Variants in RAB11FIP4 observed in about 807,000 individuals in gnomAD.
RAB11FIP4 encodes rab11 family-interacting protein 4.
A neutral mutation model predicts 74.3 loss-of-function variants in RAB11FIP4; 23 were observed. That is an observed-to-expected ratio of 0.31 (90% CI 0.22 to 0.44). The LOEUF is 0.44. Among genes scored for constraint, RAB11FIP4 ranks in the 20% least tolerant of loss-of-function variants. The pLI, the probability that RAB11FIP4 is intolerant of heterozygous loss-of-function variation, is 1.00. For synonymous variants in RAB11FIP4, 360 were observed against 359.9 expected (o/e 1.00, Z 0.00); for missense variants, 630 against 863.9 (o/e 0.73, Z 3.39).
At position 31,434,036 on chromosome 17, in the gene RAB11FIP4, T is replaced by C. The variant is rs887379998; in HGVS notation, c.250T>C (p.Cys84Arg). ...FCRGVFAMKG[C>R]EELLKDVLSV... is the part of the protein sequence containing the mutation. The stretch of plus-strand genomic sequence containing the variant: ...CGTGTGTCTGCCTGTCTGCGCAGGG[T>C]GCGAGGAGCTGCTGAAGGATGTGCT... The change falls in exon 3 of 15, where the codon TGC becomes CGC. Residue 84 changes from cysteine (C) to arginine (R), a missense_variant and splice_region_variant. Physicochemically the swap from Cys to Arg is radical, Grantham distance 180. Transcript: ENST00000621161. The C allele has an allele frequency of 5.7e-6, 9 of 1,580,374 alleles. No individual in the cohort carries two copies. The East Asian group carries it at 9.1e-5, about 16-fold the overall frequency.
At chr17:31,397,621 A>G (rs1032383290) in intron 1 of RAB11FIP4, among the ~76,000 whole-genome samples, 3 of 152,016 alleles carry the variant, frequency 2.0e-5, no homozygotes, top group African/African-American at 7.2e-5. Context: ...GCCCAGAGAG[A>G]TGTTCTCTTT....
intron 3 of RAB11FIP4, among the ~76,000 whole-genome samples, chr17:31,441,518 TTTTATTTA>T (rs35484019): frequency 4.6e-5 from 7 of 150,970 alleles, no homozygotes; most frequent in African/African-American, 7.3e-5. Flanking sequence ...ACTCTCCTTA[TTTTATTTA>T]TTTATTTATT....
rs549039848 is a variant in RAB11FIP4 at position 31,470,595 on chromosome 17, C to T, written c.336+36473C>T. On this transcript the variant is annotated intron_variant, in intron 3 of 14. Transcript: ENST00000621161. ...GCTCTCATGATCCAATGGAGGGAAG[C>T]AGGTGCTTAACACATGGGCTGGGTG... Among the ~76,000 whole-genome samples the T allele has an allele frequency of 5.6e-4, 85 of 152,336 alleles. No homozygotes were observed. In the South Asian group the frequency reaches 0.017, roughly 30 times the overall value.
At chr17:31,484,835 G>A (rs1260476190) in intron 3 of RAB11FIP4, among the ~76,000 whole-genome samples, 1 of 152,096 alleles carries the variant, frequency 6.6e-6, no homozygotes, top group Non-Finnish European at 1.5e-5. Context: ...GTATTTTACT[G>A]GTCCTGATTA....
At chr17:31,437,638 G>A (rs570555652) in intron 3 of RAB11FIP4, among the ~76,000 whole-genome samples, 2 of 152,142 alleles carry the variant, frequency 1.3e-5, no homozygotes, top group Admixed American at 6.5e-5. Context: ...CTTGTTTTTC[G>A]GGCACAGCCC....
At chr17:31,523,146 G>A (rs569460820) in intron 7 of RAB11FIP4, 193 of 316,760 alleles carry the variant, frequency 6.1e-4, no homozygotes, top group African/African-American at 3.9e-3. Context: ...CAGGGCCATG[G>A]AGCTGGGCTA....
intron 1 of RAB11FIP4, among the ~76,000 whole-genome samples, chr17:31,406,635 C>A (rs574429804): frequency 6.6e-6 from 1 of 152,320 alleles, no homozygotes; most frequent in South Asian, 2.1e-4. Context: ...TGAGACTTTG[C>A]ATTTTTTCCA....
intron 1 of RAB11FIP4, among the ~76,000 whole-genome samples, chr17:31,401,376 C>T (rs895450524): frequency 6.6e-6 from 1 of 152,248 alleles, no homozygotes; most frequent in African/African-American, 2.4e-5. Context: ...CAACCTGTCA[C>T]CCCTGAGGTC....
chr17:31,413,314 T>C (rs943071430), intron 1 of RAB11FIP4, among the ~76,000 whole-genome samples: 5 of 152,010 alleles, frequency 3.3e-5, no homozygotes, highest in Admixed American at 2.6e-4. Context: ...CCTTAAATAA[T>C]GGGTCTAAAG....
chr17:31,458,824 A>G (rs1321035942), intron 3 of RAB11FIP4, among the ~76,000 whole-genome samples: 2 of 152,166 alleles, frequency 1.3e-5, no homozygotes, highest in Non-Finnish European at 2.9e-5. Context: ...CGAAGCTGCC[A>G]CTTCCTCCCC....
intron 3 of RAB11FIP4, among the ~76,000 whole-genome samples, chr17:31,470,656 C>G (rs178893): frequency 0.56 from 85,593 of 152,170 alleles, 25,009 homozygotes; most frequent in East Asian, 0.64. Flanking sequence ...TAAGCACCTA[C>G]CATGTGCCAC....
intron 1 of RAB11FIP4, among the ~76,000 whole-genome samples, chr17:31,395,756 C>G (rs117264857): frequency 2.6e-5 from 4 of 152,142 alleles, no homozygotes; most frequent in African/African-American, 9.7e-5. Flanking sequence ...ACCCTAGAAT[C>G]AAGAAGAGGA....
chr17:31,507,204 G>A (rs954731008), intron 3 of RAB11FIP4, among the ~76,000 whole-genome samples: 19 of 152,132 alleles, frequency 1.2e-4, no homozygotes, highest in African/African-American at 3.9e-4. Context: ...GCTTGATTCC[G>A]GGAGGTGGAG....
chr17:31,438,160 G>T (rs1195511370), intron 3 of RAB11FIP4, among the ~76,000 whole-genome samples: 1 of 152,102 alleles, frequency 6.6e-6, no homozygotes, highest in Non-Finnish European at 1.5e-5. Context: ...TGCTCAGGCT[G>T]CCCATCAGCC....
Position 31,534,536 on chromosome 17 carries a change from T to C in RAB11FIP4, c.*2804T>C, listed in dbSNP as rs1264672581. 1 of 152,188 alleles carries C rather than the reference T, an allele frequency of 6.6e-6. No homozygotes were observed. The highest frequency in any genetic ancestry group is 6.5e-5 in the Admixed American group (1 of 15,270). The allele number at this position is 152,188 out of a possible 1,614,324, so 9.4% of individuals were successfully genotyped here. On this transcript the variant is annotated 3_prime_UTR_variant, in exon 15 of 15. Coordinates refer to ENST00000621161, the MANE Select transcript of RAB11FIP4 (RefSeq NM_032932.6). ...CCTCAGCCTGCCAAAGCACTGGGAT[T>C]ACAGGCATGAGCCACCATGCCTGGC...
rs1262258317 is a variant in RAB11FIP4 at position 31,474,865 on chromosome 17, CAAAACAAAACAAAAA to C, written c.336+40745_336+40759del. 2.6e-3 allele frequency among the ~76,000 whole-genome samples: 285 copies of C among 109,552 alleles called. 5 individuals carry two copies. The East Asian group carries it at 0.081, about 31-fold the overall frequency. The allele number at this position is 109,552 out of a possible 152,430, so 71.9% of individuals were successfully genotyped here. On this transcript the variant is annotated intron_variant, in intron 3 of 14. Transcript: ENST00000621161. ...TCTCAAAAAACAAAACAAAACAAAACAAAACAAAACAAAAAACAAAAAAAAAACAGAGATTCACCT... is the reference window on the plus strand; with the variant it reads ...TCTCAAAAAACAAAACAAAACAAAACACAAAAAAAAAACAGAGATTCACCT...
At chr17:31,434,978 G>A (rs926743661) in intron 3 of RAB11FIP4, among the ~76,000 whole-genome samples, 3 of 151,902 alleles carry the variant, frequency 2.0e-5, no homozygotes, top group African/African-American at 7.3e-5. Flanking sequence ...TTGAGCCCAG[G>A]AGTTTGAGAG....
intron 1 of RAB11FIP4, among the ~76,000 whole-genome samples, chr17:31,428,498 C>G (rs1434038995): frequency 6.6e-6 from 1 of 152,136 alleles, no homozygotes; most frequent in African/African-American, 2.4e-5. Context: ...CTGGAAAGAG[C>G]TCATCCTGGC....
At chr17:31,528,977 A>G (rs1363645588) in intron 13 of RAB11FIP4, among the ~76,000 whole-genome samples, 199 bp downstream of exon 13, 2 of 152,150 alleles carry the variant, frequency 1.3e-5, no homozygotes, top group Non-Finnish European at 2.9e-5. Context: ...CCTTACGTCT[A>G]TGTAAGGAAA....
Sources: gnomAD v4.1 joint callset for allele counts (sites outside exome capture counted in the v4.1 genomes callset) on GRCh38, gnomAD v4.1.1 for gene constraint, MANE v1.5 for transcripts, NCBI Gene and HGNC (gene_info 2026-07-23, HGNC 2026-07-21) for gene names.